The following USH2A variants were observed in gnomAD, a reference collection of about 807,000 sequenced individuals.
USH2A encodes the protein Usher syndrome 2A (autosomal recessive, mild).
Under a neutral mutation model 538.9 loss-of-function variants are expected in USH2A, and 443 were observed. That is an observed-to-expected ratio of 0.82 (90% CI 0.76 to 0.89). USH2A has a LOEUF of 0.89. Ranked by LOEUF, USH2A falls within the 40% of genes least tolerant of loss-of-function variation. USH2A has a pLI of 0.00. For synonymous variants in USH2A, 2,413 were observed against 2,273.5 expected, an observed-to-expected ratio of 1.06 and a Z score of -1.75; for missense variants, 6,633 against 6,324.8, an observed-to-expected ratio of 1.05 and a Z score of -1.65.
chr1:216,114,129 CTTA>C (rs760751327), intron 21 of USH2A, among the ~76,000 whole-genome samples: 2 of 151,492 alleles, frequency 1.3e-5, no homozygotes, highest in African/African-American at 2.4e-5. Flanking sequence ...AGCTATAGTA[CTTA>C]TTATATATTT....
In USH2A at chr1:215,971,819, A is replaced by G. The variant is rs763519843; in HGVS notation, c.6806-1043T>C. Among the ~76,000 whole-genome samples, 22 of 152,248 alleles carry G rather than the reference A, an allele frequency of 1.4e-4. No individual in the cohort carries two copies. The South Asian group carries it at 1.9e-3, about 13-fold the overall frequency. ...AAATAGGGTTAGTGGGTATTAATTT[A>G]TAGTTTAGTTTTTTTATGTTGAAGA... On this transcript the variant is annotated intron_variant, in intron 35 of 71. Transcript: ENST00000307340.
chr1:216,188,715 G>A (rs2034657032), intron 20 of USH2A, among the ~76,000 whole-genome samples: 1 of 151,868 alleles, frequency 6.6e-6, no homozygotes, highest in South Asian at 2.1e-4. Flanking sequence ...TGGGTTAGAT[G>A]AACACTTGGG....
Position 215,782,802 on chromosome 1 carries a change from C to G in USH2A, c.10521G>C (p.Trp3507Cys). 1.9e-6 allele frequency: 3 copies of G among 1,613,946 alleles called. No homozygotes were observed. Among genetic ancestry groups the G allele is most frequent in the Non-Finnish European group, 2.5e-6 (3 of 1,179,914 alleles). Residue 3507 changes from tryptophan to cysteine, a missense_variant, in exon 53 of 72, where the codon TGG (tryptophan) becomes TGC (cysteine). Coordinates refer to ENST00000307340, the MANE Select transcript of USH2A (RefSeq NM_206933.4). ...DVPQGVSPPT[W>C]TKIDNLEDTI... ...TATCTTCAAGATTGTCTATTTTGGT[C>G]CACGTAGGGGGACTCACTCCTTGAG...
At chr1:215,756,289 T>C (rs1442243743) in intron 58 of USH2A, among the ~76,000 whole-genome samples, 1 of 152,180 alleles carries the variant, frequency 6.6e-6, no homozygotes, top group African/African-American at 2.4e-5. Context: ...TCATTTCTCT[T>C]ACTTGCATAG....
rs2037832445 is a variant in USH2A at position 216,330,267 on chromosome 1, C to T, written c.785-2613G>A. On this transcript the variant is annotated intron_variant, in intron 4 of 71. Coordinates refer to ENST00000307340, the MANE Select transcript of USH2A (RefSeq NM_206933.4). ...AATACCCTTGCTTTTATGGAGCTTG[C>T]ATTCACGTAGATAAACATAATGAAT... Among the ~76,000 whole-genome samples, 4 of 152,110 alleles carry T rather than the reference C, an allele frequency of 2.6e-5. No individual in the cohort carries two copies. In the South Asian group the frequency reaches 8.3e-4, roughly 32 times the overall value.
chr1:215,843,297 A>C (rs1663737986), intron 46 of USH2A, among the ~76,000 whole-genome samples: 1 of 152,192 alleles, frequency 6.6e-6, no homozygotes, highest in South Asian at 2.1e-4. Flanking sequence ...TTATTAAAAA[A>C]TTTTGTAAAT....
intron 40 of USH2A, among the ~76,000 whole-genome samples, chr1:215,890,843 C>G (rs997762006): frequency 1.3e-5 from 2 of 152,082 alleles, no homozygotes; most frequent in Non-Finnish European, 2.9e-5. Context: ...CCCCAAATCC[C>G]CTGAGATTGG....
intron 9 of USH2A, among the ~76,000 whole-genome samples, chr1:216,301,548 C>T (rs111486831): frequency 8.5e-5 from 13 of 152,222 alleles, no homozygotes; most frequent in Non-Finnish European, 1.3e-4. Flanking sequence ...CACTCTGGCT[C>T]AGTCCATCTT....
intron 35 of USH2A, among the ~76,000 whole-genome samples, chr1:215,979,258 T>C (rs1172228663): frequency 1.3e-5 from 2 of 151,996 alleles, no homozygotes; most frequent in African/African-American, 4.8e-5. Context: ...TCCCACGGGG[T>C]CTCTCCCATG....
At chr1:215,832,423 G>A (rs534958559) in intron 47 of USH2A, among the ~76,000 whole-genome samples, 1 of 151,872 alleles carries the variant, frequency 6.6e-6, no homozygotes, top group African/African-American at 2.4e-5. Context: ...ATATGAAGAA[G>A]AAAATATGTC....
chr1:216,076,258 AGT>A, intron 27 of USH2A, among the ~76,000 whole-genome samples: 1 of 152,308 alleles, frequency 6.6e-6, no homozygotes, highest in African/African-American at 2.4e-5. Context: ...ATATTTTTTC[AGT>A]GTTTTGAGAC....
At chr1:216,193,710 TAG>T (rs2034771068) in intron 19 of USH2A, among the ~76,000 whole-genome samples, 1 of 151,948 alleles carries the variant, frequency 6.6e-6, no homozygotes, top group African/African-American at 2.4e-5. Context: ...CAGCAGATAT[TAG>T]AGTTATGTTG....
intron 41 of USH2A, among the ~76,000 whole-genome samples, chr1:215,880,690 T>C (rs1204910446): frequency 1.5e-4 from 23 of 151,916 alleles, no homozygotes. Flanking sequence ...GTAACAGAAA[T>C]GAAAAAAAGA....
chr1:215,812,138 C>T (rs1381727218), intron 49 of USH2A, among the ~76,000 whole-genome samples: 1 of 151,202 alleles, frequency 6.6e-6, no homozygotes, highest in African/African-American at 2.4e-5. Context: ...GAGCCTGCCA[C>T]ACGCCCAGTT....
chr1:216,010,935 C>T (rs925363354), intron 32 of USH2A, among the ~76,000 whole-genome samples: 2 of 152,038 alleles, frequency 1.3e-5, no homozygotes, highest in African/African-American at 4.8e-5. Context: ...ACGGATCATG[C>T]GCCCCTTAAC....
Position 215,832,501 on chromosome 1 carries a change from G to A in USH2A, c.9371+5490C>T, listed in dbSNP as rs187346470. Among the ~76,000 whole-genome samples, 79 of 151,912 alleles carry A rather than the reference G, an allele frequency of 5.2e-4. 1 individual carries two copies. Among genetic ancestry groups the A allele is most frequent in the African/African-American group, 1.6e-3 (66 of 41,496 alleles). On this transcript the variant is annotated intron_variant, in intron 47 of 71. Coordinates refer to ENST00000307340, the MANE Select transcript of USH2A (RefSeq NM_206933.4). ...TAATTTAAAATCAGTAAATATAATC[G>A]ATCATAGTACAAATTTAAAATGTCA...
At chr1:216,313,500 C>T (rs2037457435) in intron 9 of USH2A, among the ~76,000 whole-genome samples, 1 of 152,104 alleles carries the variant, frequency 6.6e-6, no homozygotes, top group South Asian at 2.1e-4. Context: ...TTTTTAATGA[C>T]CATTTAATGG....
intron 21 of USH2A, among the ~76,000 whole-genome samples, chr1:216,117,727 A>T (rs1001596696): frequency 6.8e-6 from 1 of 147,958 alleles, no homozygotes; most frequent in East Asian, 1.9e-4. Flanking sequence ...CACTTTAGAG[A>T]AAAAATAGCT....
chr1:216,275,177 C>T (rs956858945), intron 11 of USH2A, among the ~76,000 whole-genome samples: 13 of 151,794 alleles, frequency 8.6e-5, no homozygotes, highest in Admixed American at 2.0e-4. Flanking sequence ...AGGTCTATTT[C>T]GCTCAGAGGA....
Sources: gnomAD v4.1 joint callset for allele counts (sites outside exome capture counted in the v4.1 genomes callset) on GRCh38, gnomAD v4.1.1 for gene constraint, MANE v1.5 for transcripts, NCBI Gene and HGNC (gene_info 2026-07-23, HGNC 2026-07-21) for gene names.